The following ARID2 variants were observed in gnomAD, a reference collection of about 807,000 sequenced individuals.
The protein encoded by ARID2 is AT-rich interactive domain-containing protein 2.
In ARID2, 32 loss-of-function variants were observed where a neutral mutation model predicts 184.6. The ratio of observed to expected loss-of-function variants is 0.17; its 90% CI spans 0.13 to 0.23. The LOEUF is 0.23. Ranked by LOEUF, ARID2 falls within the 10% of genes least tolerant of loss-of-function variation. ARID2 has a pLI of 1.00. For synonymous variants in ARID2, 836 were observed against 772.6 expected (o/e 1.08, Z -1.36); for missense variants, 1,696 against 2,197.6 (o/e 0.77, Z 4.56).
In ARID2 at chr12:45,819,748, T is replaced by G. The variant is rs12305777; in HGVS notation, c.638-1672T>G. On this transcript the variant is annotated intron_variant, in intron 5 of 20. Coordinates refer to ENST00000334344, the MANE Select transcript of ARID2 (RefSeq NM_152641.4). ...TGGGTTTTTTGTTTGTTTTTTTGGG[T>G]TTTTTTTTTTTAAGAGACAGAACCT... Among the ~76,000 whole-genome samples, 5 of 142,488 alleles carry G rather than the reference T, an allele frequency of 3.5e-5. No individual in the cohort carries two copies. In the East Asian group the frequency reaches 6.0e-4, roughly 17 times the overall value. The allele number at this position is 142,488 out of a possible 152,430, so 93.5% of individuals were successfully genotyped here.
intron 20 of ARID2, among the ~76,000 whole-genome samples, chr12:45,901,195 G>C (rs1248804224): frequency 1.1e-5 from 1 of 87,006 alleles, no homozygotes; most frequent in Non-Finnish European, 2.0e-5. Flanking sequence ...TTTTGAGACA[G>C]AGTCTCGCTC....
chr12:45,822,788 A>T (rs754974742), intron 6 of ARID2, among the ~76,000 whole-genome samples: 3 of 152,200 alleles, frequency 2.0e-5, no homozygotes, highest in Non-Finnish European at 4.4e-5. Flanking sequence ...TGTATGTAAC[A>T]ATCATATATG....
chr12:45,842,462 A>G (rs1195050753), intron 11 of ARID2, among the ~76,000 whole-genome samples: 2 of 151,582 alleles, frequency 1.3e-5, no homozygotes, highest in Admixed American at 6.6e-5. Flanking sequence ...ATTTTTATAA[A>G]TAATTATTAA....
At chr12:45,891,975 G>C (rs762940539) in intron 17 of ARID2, 36 bp from the exon 18 acceptor site, 2 of 1,613,970 alleles carry the variant, frequency 1.2e-6, no homozygotes, top group Admixed American at 3.3e-5. Context: ...TAAAGATTTT[G>C]ACGTGCCATT....
chr12:45,851,943 G>A lies in ARID2; in HGVS notation c.3820G>A (p.Gly1274Arg), dbSNP rs2138174836. The A allele has an allele frequency of 1.2e-6, 2 of 1,613,494 alleles. No individual in the cohort carries two copies. The highest frequency in any genetic ancestry group is 1.7e-6 in the Non-Finnish European group (2 of 1,179,730). The change falls in exon 15 of 21, where the codon GGA becomes AGA. Residue 1274 changes from glycine (G) to arginine (R), a missense_variant. Transcript: ENST00000334344. ...CATGGAGAACCCGTCCTGCCGACGA[G>A]GAGCCACAAACACCAGCAATGGGGA... ...EVMENPSCRR[G>R]ATNTSNGDTK...
chr12:45,905,241 A>T lies in ARID2; in HGVS notation c.*163A>T. ...AGCTTCGTATTCTGATCTCTGAGTG[A>T]ATCCCTTTGTTCTCTGTTTAAAAAA... On this transcript the variant is annotated 3_prime_UTR_variant, in exon 21 of 21. Coordinates refer to ENST00000334344, the MANE Select transcript of ARID2 (RefSeq NM_152641.4). 1 of 609,418 alleles carries T rather than the reference A, an allele frequency of 1.6e-6. No individual in the cohort carries two copies. Among genetic ancestry groups the T allele is most frequent in the Non-Finnish European group, 2.5e-6 (1 of 392,682 alleles). 37.8% of individuals were successfully genotyped at this position (609,418 alleles called of 1,614,324 possible). A position where few individuals can be genotyped will look rare whatever the true frequency, so the allele number is the denominator to read the frequency against.
chr12:45,758,182 T>A (rs970370129), intron 3 of ARID2, among the ~76,000 whole-genome samples: 3 of 152,224 alleles, frequency 2.0e-5, no homozygotes, highest in African/African-American at 4.8e-5. Flanking sequence ...GGGCATTTTT[T>A]ATGAAATTAT....
chr12:45,782,795 C>T (rs962093027), intron 3 of ARID2, among the ~76,000 whole-genome samples: 2 of 151,478 alleles, frequency 1.3e-5, no homozygotes, highest in African/African-American at 2.4e-5. Flanking sequence ...GATAGGAAAC[C>T]TCAGGGAAAA....
chr12:45,863,270 A>T (rs1943779000), intron 16 of ARID2, among the ~76,000 whole-genome samples: 1 of 152,240 alleles, frequency 6.6e-6, no homozygotes, highest in African/African-American at 2.4e-5. Flanking sequence ...TGTCCAGGAA[A>T]CTGTGAGAAG....
chr12:45,795,130 A>G lies in ARID2; in HGVS notation c.285-16288A>G, dbSNP rs369148718. On this transcript the variant is annotated intron_variant, in intron 3 of 20. Coordinates refer to ENST00000334344, the MANE Select transcript of ARID2 (RefSeq NM_152641.4). Reference sequence around the variant, plus strand: ...TAAATACATTTTATGTTTTATAATAATTTTAGAAATAAATTCAGATATTTA... The same window carrying G: ...TAAATACATTTTATGTTTTATAATAGTTTTAGAAATAAATTCAGATATTTA... 5.9e-5 allele frequency among the ~76,000 whole-genome samples: 9 copies of G among 152,158 alleles called. No homozygotes were observed. In the East Asian group the frequency reaches 9.6e-4, roughly 16 times the overall value.
intron 16 of ARID2, among the ~76,000 whole-genome samples, chr12:45,868,238 C>A (rs560258011): frequency 2.0e-5 from 3 of 152,136 alleles, no homozygotes; most frequent in Non-Finnish European, 4.4e-5. Context: ...GTCAGGAGTT[C>A]GAGACCAGCC....
chr12:45,746,236 T>G (rs1941353491), intron 3 of ARID2, among the ~76,000 whole-genome samples: 1 of 151,982 alleles, frequency 6.6e-6, no homozygotes, highest in South Asian at 2.1e-4. Context: ...TCAGCCTCCC[T>G]AGTAACTAGG....
chr12:45,900,627 T>C (rs1944445087), intron 20 of ARID2, among the ~76,000 whole-genome samples: 2 of 152,192 alleles, frequency 1.3e-5, no homozygotes, highest in South Asian at 4.1e-4. Flanking sequence ...ATTACCTCCA[T>C]GTTGAATCCC....
chr12:45,904,889 G>T (rs780895774), intron 20 of ARID2, 45 bp from the exon 21 acceptor site: 24 of 1,600,006 alleles, frequency 1.5e-5, no homozygotes, highest in Middle Eastern at 1.9e-4. Context: ...AAGAGTCATC[G>T]CTGTGACCTT....
intron 16 of ARID2, among the ~76,000 whole-genome samples, chr12:45,875,065 G>A (rs1359084654): frequency 1.3e-5 from 2 of 152,216 alleles, no homozygotes; most frequent in Non-Finnish European, 2.9e-5. Context: ...GGAGTTTGCA[G>A]TGAGCGGAGA....
Position 45,851,684 on chromosome 12 carries a change from G to C in ARID2, c.3561G>C (p.Val1187=), listed in dbSNP as rs2138172919. ...VPNTSFAPAT[V]SQGNATQLIA... Reference sequence around the variant, plus strand: ...ATACGAGTTTTGCACCTGCAACTGTGAGTCAGGGAAATGCAACTCAGCTCA... The same window carrying C: ...ATACGAGTTTTGCACCTGCAACTGTCAGTCAGGGAAATGCAACTCAGCTCA... Residue 1187 remains valine, a synonymous_variant, in exon 15 of 21, where the codon GTG becomes GTC. Transcript: ENST00000334344. 3 of 1,614,128 alleles carry C rather than the reference G, an allele frequency of 1.9e-6. No individual in the cohort carries two copies. Among genetic ancestry groups the C allele is most frequent in the Non-Finnish European group, 2.5e-6 (3 of 1,180,012 alleles).
At chr12:45,858,827 G>T (rs1210616177) in intron 15 of ARID2, among the ~76,000 whole-genome samples, 1 of 152,100 alleles carries the variant, frequency 6.6e-6, no homozygotes, top group Non-Finnish European at 1.5e-5. Context: ...TATCTCTACG[G>T]CCCTAAAATG....
intron 3 of ARID2, among the ~76,000 whole-genome samples, chr12:45,785,591 C>T (rs1312244143): frequency 1.3e-5 from 2 of 152,038 alleles, no homozygotes; most frequent in Non-Finnish European, 1.5e-5. Context: ...ATCCCTAATC[C>T]GAAAAGCTCC....
intron 3 of ARID2, among the ~76,000 whole-genome samples, chr12:45,740,393 T>C (rs1214867060): frequency 6.6e-6 from 1 of 152,138 alleles, no homozygotes; most frequent in Non-Finnish European, 1.5e-5. Context: ...GTTTACATTT[T>C]TCTTTTTATA....
Sources: gnomAD v4.1 joint callset for allele counts (sites outside exome capture counted in the v4.1 genomes callset) on GRCh38, gnomAD v4.1.1 for gene constraint, MANE v1.5 for transcripts, NCBI Gene and HGNC (gene_info 2026-07-23, HGNC 2026-07-21) for gene names.